Variants in TUSC3 observed in about 807,000 individuals in gnomAD.
TUSC3 encodes the protein tumor suppressor candidate 3.
A neutral mutation model predicts 44.8 loss-of-function variants in TUSC3; 45 were observed. The ratio of observed to expected loss-of-function variants is 1.00; its 90% CI spans 0.79 to 1.29. The LOEUF (loss-of-function observed/expected upper bound fraction) is 1.29. Ranked by LOEUF, TUSC3 falls within the 50% of genes most tolerant of loss-of-function variation. The pLI is 0.00. For missense variants in TUSC3, 519 were observed against 437.9 expected (o/e 1.19, Z -1.65); for synonymous variants, 212 against 152.9 (o/e 1.39, Z -2.85).
At chr8:15,458,350 C>T (rs2129121455) in intron 1 of TUSC3, among the ~76,000 whole-genome samples, 1 of 152,190 alleles carries the variant, frequency 6.6e-6, no homozygotes, top group East Asian at 1.9e-4. Flanking sequence ...ACAATCCTCC[C>T]ACCTCAGTCT....
At chr8:15,553,045 C>G (rs1230604549) in intron 1 of TUSC3, among the ~76,000 whole-genome samples, 1 of 151,506 alleles carries the variant, frequency 6.6e-6, no homozygotes, top group Non-Finnish European at 1.5e-5. Flanking sequence ...GACTACATTT[C>G]TTGATAAAAG....
At position 15,627,516 on chromosome 8, in the gene TUSC3, A is replaced by C. The variant is rs562296312; in HGVS notation, c.308+4267A>C. On this transcript the variant is annotated intron_variant, in intron 2 of 10. Transcript: ENST00000503731. ...GCTGTAATACAAAGAGGGCTGGAACATGCCCCTCGCTTGCCATGTTGTGGA... is the reference window on the plus strand; with the variant it reads ...GCTGTAATACAAAGAGGGCTGGAACCTGCCCCTCGCTTGCCATGTTGTGGA... 5.3e-5 allele frequency among the ~76,000 whole-genome samples: 8 copies of C among 152,356 alleles called. No individual in the cohort carries two copies. The East Asian group carries it at 1.5e-3, about 29-fold the overall frequency.
intron 6 of TUSC3, among the ~76,000 whole-genome samples, chr8:15,679,938 G>T (rs1808348339): frequency 6.6e-6 from 1 of 152,034 alleles, no homozygotes; most frequent in Non-Finnish European, 1.5e-5. Flanking sequence ...TGTTCCATTG[G>T]TCTGCATGTC....
At chr8:15,817,226 G>A in the TUSC3 span, among the ~76,000 whole-genome samples, 1 of 152,024 alleles carries the variant, frequency 6.6e-6, no homozygotes, top group African/African-American at 2.4e-5. Flanking sequence ...AATAAGCACA[G>A]CTGTGAAACT....
At chr8:15,761,615 C>T (rs564391694) in intron 10 of TUSC3, among the ~76,000 whole-genome samples, 29 of 152,158 alleles carry the variant, frequency 1.9e-4, no homozygotes, top group Non-Finnish European at 3.7e-4. Context: ...ATGCAGACTA[C>T]TACTATGGAT....
At chr8:15,712,441 A>G (rs1158995924) in intron 6 of TUSC3, among the ~76,000 whole-genome samples, 2 of 152,106 alleles carry the variant, frequency 1.3e-5, no homozygotes, top group Non-Finnish European at 2.9e-5. Context: ...CTTGAAATTC[A>G]CATCGAGTTT....
At chr8:15,573,121 G>T (rs1011972933) in intron 1 of TUSC3, among the ~76,000 whole-genome samples, 14 of 145,228 alleles carry the variant, frequency 9.6e-5, no homozygotes, top group African/African-American at 3.1e-4. Context: ...CACAATAAAA[G>T]GAAGTATGTT....
intron 2 of TUSC3, among the ~76,000 whole-genome samples, chr8:15,487,631 C>T (rs187661763): frequency 6.6e-6 from 1 of 152,184 alleles, no homozygotes. Flanking sequence ...CTCAATCTTT[C>T]TTTTAGCTGA....
chr8:15,567,074 A>G (rs946922996), intron 1 of TUSC3, among the ~76,000 whole-genome samples: 7 of 152,270 alleles, frequency 4.6e-5, no homozygotes, highest in Non-Finnish European at 8.8e-5. Flanking sequence ...CTTTTAACTT[A>G]GTGATCTTGG....
At chr8:15,767,502 C>G (rs1812364422), downstream of TUSC3, among the ~76,000 whole-genome samples, 4 of 150,530 alleles carry the variant, frequency 2.7e-5, no homozygotes, top group African/African-American at 9.8e-5. Context: ...GTTTACCAAA[C>G]CACTGTTTAA....
intron 3 of TUSC3, 148 bp downstream of exon 3, chr8:15,650,962 G>C: frequency 1.4e-6 from 1 of 701,626 alleles, no homozygotes. Context: ...TGCATTCCAG[G>C]TGGAGGACAG....
intron 2 of TUSC3, among the ~76,000 whole-genome samples, chr8:15,626,247 G>A (rs1472813163): frequency 2.0e-5 from 3 of 152,178 alleles, no homozygotes; most frequent in African/African-American, 4.8e-5. Flanking sequence ...CCACTTCTAC[G>A]GGGAATAGGG....
intron 2 of TUSC3, among the ~76,000 whole-genome samples, chr8:15,496,427 A>G (rs933184948): frequency 7.2e-5 from 11 of 152,174 alleles, no homozygotes; most frequent in Non-Finnish European, 1.3e-4. Context: ...TGGAATAGTG[A>G]TCTCAAATTA....
chr8:15,642,371 G>A (rs553643013), intron 2 of TUSC3, among the ~76,000 whole-genome samples: 1 of 152,216 alleles, frequency 6.6e-6, no homozygotes, highest in East Asian at 1.9e-4. Flanking sequence ...AAATAAGTTT[G>A]ATGAGAAAAG....
At chr8:15,423,995 T>G (rs1442283320) in intron 1 of TUSC3, among the ~76,000 whole-genome samples, 22 of 134,152 alleles carry the variant, frequency 1.6e-4, no homozygotes, top group South Asian at 1.0e-3. Context: ...TTTTTTTTTT[T>G]TTTTTTTTTT....
chr8:15,593,832 T>C (rs1803955394), intron 1 of TUSC3, among the ~76,000 whole-genome samples: 1 of 152,162 alleles, frequency 6.6e-6, no homozygotes, highest in South Asian at 2.1e-4. Context: ...TCATATTCTC[T>C]TCCTTGCATT....
At chr8:15,766,957 C>T (rs951747961), downstream of TUSC3, among the ~76,000 whole-genome samples, 4 of 152,080 alleles carry the variant, frequency 2.6e-5, no homozygotes, top group African/African-American at 9.7e-5. Context: ...TGAATTGACG[C>T]TTGAAGACTC....
chr8:15,848,634 T>C, the TUSC3 span, among the ~76,000 whole-genome samples: 1 of 152,160 alleles, frequency 6.6e-6, no homozygotes, highest in Non-Finnish European at 1.5e-5. Context: ...GTGATCTGTC[T>C]TATGGACTCA....
At chr8:15,514,914 G>A (rs149623623) in intron 2 of TUSC3, among the ~76,000 whole-genome samples, 8 of 152,242 alleles carry the variant, frequency 5.3e-5, no homozygotes, top group African/African-American at 1.9e-4. Flanking sequence ...TATAGTTGTG[G>A]TTAAGATGGG....
Sources: gnomAD v4.1 joint callset for allele counts (sites outside exome capture counted in the v4.1 genomes callset) on GRCh38, gnomAD v4.1.1 for gene constraint, MANE v1.5 for transcripts, NCBI Gene and HGNC (gene_info 2026-07-23, HGNC 2026-07-21) for gene names.